Variants in TMTC2 observed in about 807,000 individuals in gnomAD.
The protein encoded by TMTC2 is protein O-mannosyl-transferase TMTC2.
A neutral mutation model predicts 82.4 loss-of-function variants in TMTC2; 43 were observed. That is an observed-to-expected ratio of 0.52 (90% CI 0.41 to 0.67). The LOEUF is 0.67. Ranked by LOEUF, TMTC2 falls within the 30% of genes least tolerant of loss-of-function variation. The pLI is 0.00. For missense variants in TMTC2, 919 were observed against 1,012.4 expected (o/e 0.91, Z 1.25); for synonymous variants, 408 against 381.9 (o/e 1.07, Z -0.80).
intron 8 of TMTC2, among the ~76,000 whole-genome samples, chr12:82,990,069 G>T (rs569104618): frequency 1.1e-4 from 16 of 152,096 alleles, no homozygotes; most frequent in Non-Finnish European, 1.9e-4. Flanking sequence ...AATTTGCAAA[G>T]GTAGAAAATA....
At chr12:82,856,937 A>C in intron 1 of TMTC2, 73 bp from the exon 2 acceptor site, 1 of 1,389,578 alleles carries the variant, frequency 7.2e-7, no homozygotes. Context: ...GAAAGGCAGT[A>C]TCTTATCAAT....
chr12:82,776,195 G>A (rs1877585142), intron 1 of TMTC2, among the ~76,000 whole-genome samples: 2 of 152,050 alleles, frequency 1.3e-5, no homozygotes, highest in Non-Finnish European at 2.9e-5. Context: ...GAAACTGCTT[G>A]CTTTATGTTT....
chr12:82,870,014 T>C (rs1428095822), intron 2 of TMTC2, among the ~76,000 whole-genome samples: 1 of 152,172 alleles, frequency 6.6e-6, no homozygotes, highest in Non-Finnish European at 1.5e-5. Flanking sequence ...GCTTAAAAAA[T>C]TAGTTTATGG....
intron 1 of TMTC2, among the ~76,000 whole-genome samples, chr12:82,813,287 C>A (rs1174519238): frequency 6.6e-6 from 1 of 152,060 alleles, no homozygotes; most frequent in East Asian, 1.9e-4. Context: ...GTCATTTTGT[C>A]ATACTCAGTC....
chr12:82,870,785 C>G (rs931099021), intron 2 of TMTC2, among the ~76,000 whole-genome samples: 2 of 152,088 alleles, frequency 1.3e-5, no homozygotes, highest in African/African-American at 4.8e-5. Context: ...GAAAATGACT[C>G]CAAAACTGAG....
At chr12:83,050,412 A>T (rs1443133028) in intron 9 of TMTC2, among the ~76,000 whole-genome samples, 2 of 152,184 alleles carry the variant, frequency 1.3e-5, no homozygotes, top group Non-Finnish European at 1.5e-5. Flanking sequence ...CCTGAAAGTA[A>T]TCTCACAAAT....
At chr12:83,096,696 A>T (rs1884040054) in intron 11 of TMTC2, among the ~76,000 whole-genome samples, 1 of 152,042 alleles carries the variant, frequency 6.6e-6, no homozygotes, top group Non-Finnish European at 1.5e-5. Context: ...TCCCACCAGG[A>T]CCCCTCCCAC....
chr12:83,079,769 A>G (rs1353048780), intron 11 of TMTC2, among the ~76,000 whole-genome samples: 1 of 152,156 alleles, frequency 6.6e-6, no homozygotes. Context: ...AGGTCACTCT[A>G]CCTAAACAAC....
At chr12:82,973,634 C>T (rs1310820096) in intron 7 of TMTC2, among the ~76,000 whole-genome samples, 8 of 152,198 alleles carry the variant, frequency 5.3e-5, no homozygotes, top group African/African-American at 1.9e-4. Context: ...ACTATGGTTA[C>T]AGACGCTAAT....
intron 4 of TMTC2, among the ~76,000 whole-genome samples, chr12:82,946,542 C>G (rs1877002341): frequency 6.6e-6 from 1 of 151,984 alleles, no homozygotes; most frequent in Non-Finnish European, 1.5e-5. Context: ...ACTTAGCGAC[C>G]CTATTGTTAC....
At chr12:82,957,984 C>CA (rs1877704958) in intron 4 of TMTC2, among the ~76,000 whole-genome samples, 1 of 152,032 alleles carries the variant, frequency 6.6e-6, no homozygotes, top group Non-Finnish European at 1.5e-5. Context: ...AAAACTATCC[C>CA]AAAAAATCAA....
intron 11 of TMTC2, among the ~76,000 whole-genome samples, chr12:83,075,063 C>G (rs1188902695): frequency 1.3e-5 from 2 of 152,218 alleles, no homozygotes; most frequent in African/African-American, 4.8e-5. Flanking sequence ...GCTGCTTCCT[C>G]TACCCCTGTA....
intron 9 of TMTC2, among the ~76,000 whole-genome samples, chr12:83,031,907 G>A (rs1592705789): frequency 6.6e-6 from 1 of 152,272 alleles, no homozygotes; most frequent in South Asian, 2.1e-4. Flanking sequence ...CAGCATTAAT[G>A]CGGGATGGTA....
chr12:82,955,314 C>T (rs941569289), intron 4 of TMTC2, among the ~76,000 whole-genome samples: 3 of 152,176 alleles, frequency 2.0e-5, no homozygotes, highest in African/African-American at 7.2e-5. Context: ...ATAAATGTTC[C>T]TCTTCTTTCT....
At chr12:82,897,008 G>T (rs1873722645) in intron 3 of TMTC2, among the ~76,000 whole-genome samples, 1 of 152,076 alleles carries the variant, frequency 6.6e-6, no homozygotes, top group Non-Finnish European at 1.5e-5. Context: ...TAAAAGTTAG[G>T]CTATCCCACT....
chr12:82,812,748 T>C (rs1868469578), intron 1 of TMTC2, among the ~76,000 whole-genome samples: 1 of 151,938 alleles, frequency 6.6e-6, no homozygotes, highest in Admixed American at 6.6e-5. Context: ...CTTTTGCTCT[T>C]ATTTTTTTTA....
At chr12:82,891,347 T>C (rs1217324158) in intron 2 of TMTC2, among the ~76,000 whole-genome samples, 3 of 152,168 alleles carry the variant, frequency 2.0e-5, no homozygotes, top group Non-Finnish European at 4.4e-5. Flanking sequence ...TGGCTCTTGT[T>C]GCCCAGGCTG....
Position 82,872,291 on chromosome 12 carries a change from C to A in TMTC2, c.654+14711C>A, listed in dbSNP as rs947488412. On this transcript the variant is annotated intron_variant, in intron 2 of 11. Coordinates refer to ENST00000321196, the MANE Select transcript of TMTC2 (RefSeq NM_152588.3). ...GCATATCATTTCAACTGTGGCCTTG[C>A]GCTACATTTAACAGACTTAAAGGAG... Among the ~76,000 whole-genome samples, 3 of 152,232 alleles carry A rather than the reference C, an allele frequency of 2.0e-5. No homozygotes were observed. The East Asian group carries it at 5.8e-4, about 29-fold the overall frequency.
At chr12:83,116,764 C>G (rs1485005320) in intron 11 of TMTC2, among the ~76,000 whole-genome samples, 1 of 152,066 alleles carries the variant, frequency 6.6e-6, no homozygotes, top group East Asian at 1.9e-4. Context: ...ATGTCCTTAG[C>G]CCACTTTTTG....
Sources: gnomAD v4.1 joint callset for allele counts (sites outside exome capture counted in the v4.1 genomes callset) on GRCh38, gnomAD v4.1.1 for gene constraint, MANE v1.5 for transcripts, NCBI Gene and HGNC (gene_info 2026-07-23, HGNC 2026-07-21) for gene names.